NEDD4L: variants seen among roughly 807,000 people sequenced by gnomAD.
NEDD4L encodes the protein E3 ubiquitin-protein ligase NEDD4-like.
In NEDD4L, 54 loss-of-function variants were observed where a neutral mutation model predicts 148.9. The ratio of observed to expected loss-of-function variants is 0.36; its 90% CI spans 0.29 to 0.45. The LOEUF is 0.45. NEDD4L is among the 20% of genes least tolerant of loss of function. The pLI, the probability that NEDD4L is intolerant of heterozygous loss-of-function variation, is 1.00. For missense variants in NEDD4L, 856 were observed against 1,233.8 expected (o/e 0.69, Z 4.59); for synonymous variants, 433 against 440.7 (o/e 0.98, Z 0.22).
intron 5 of NEDD4L, among the ~76,000 whole-genome samples, chr18:58,306,286 G>C (rs140571526): frequency 2.6e-5 from 4 of 152,100 alleles, no homozygotes; most frequent in African/African-American, 9.6e-5. Context: ...TATCAGGGGT[G>C]GGGGAGATGA....
intron 2 of NEDD4L, among the ~76,000 whole-genome samples, chr18:58,229,851 G>A (rs924720277): frequency 2.6e-5 from 4 of 152,058 alleles, no homozygotes; most frequent in Non-Finnish European, 5.9e-5. Context: ...TTAGCTGGGC[G>A]TGGTGGCGGG....
intron 24 of NEDD4L, among the ~76,000 whole-genome samples, chr18:58,380,296 T>TTTTATTTATTTATTTATTTA (rs550029276): frequency 3.2e-4 from 46 of 141,814 alleles, no homozygotes; most frequent in African/African-American, 1.2e-3. Flanking sequence ...TTCTTTTTTA[T>TTTTATTTATTTATTTATTTA]TTTATTTATT....
chr18:58,061,598 A>G (rs781636535), intron 1 of NEDD4L, among the ~76,000 whole-genome samples: 16 of 152,136 alleles, frequency 1.1e-4, no homozygotes, highest in Non-Finnish European at 1.9e-4. Flanking sequence ...AAGGACTTGC[A>G]GCAGGTAGTT....
At chr18:58,075,326 CT>C (rs2083102462) in intron 1 of NEDD4L, among the ~76,000 whole-genome samples, 2 of 152,050 alleles carry the variant, frequency 1.3e-5, no homozygotes, top group South Asian at 4.2e-4. Context: ...ACTTTTTCTA[CT>C]TTTTTAGTAA....
intron 1 of NEDD4L, among the ~76,000 whole-genome samples, chr18:58,147,826 T>C (rs1196743795): frequency 6.6e-6 from 1 of 152,190 alleles, no homozygotes; most frequent in Non-Finnish European, 1.5e-5. Context: ...GACCTCTCTT[T>C]ACTATGCCTT....
intron 2 of NEDD4L, among the ~76,000 whole-genome samples, chr18:58,167,058 T>C (rs151117023): frequency 4.0e-4 from 61 of 152,338 alleles, no homozygotes; most frequent in African/African-American, 1.4e-3. Context: ...AAAAAATTGT[T>C]GCAAATGTCA....
At chr18:58,163,234 T>C (rs2036449224) in intron 1 of NEDD4L, among the ~76,000 whole-genome samples, 2 of 152,120 alleles carry the variant, frequency 1.3e-5, no homozygotes, top group Admixed American at 1.3e-4. Context: ...GTACTTCAGG[T>C]TTTGAAGCAT....
chr18:58,205,877 T>C (rs1022738118), intron 2 of NEDD4L, among the ~76,000 whole-genome samples: 5 of 152,044 alleles, frequency 3.3e-5, no homozygotes, highest in African/African-American at 1.2e-4. Flanking sequence ...TATGTTCTGA[T>C]GTTTGTTTTC....
chr18:58,212,413 C>T (rs1310705389), intron 2 of NEDD4L, among the ~76,000 whole-genome samples: 2 of 152,196 alleles, frequency 1.3e-5, no homozygotes, highest in African/African-American at 4.8e-5. Flanking sequence ...AGCAAAGTCC[C>T]ATCTTACATG....
At chr18:58,389,358 G>C (rs769807317) in intron 28 of NEDD4L, 166 bp downstream of exon 28, 1 of 555,514 alleles carries the variant, frequency 1.8e-6, no homozygotes, top group Non-Finnish European at 3.2e-6. Context: ...CAGCAGCCCC[G>C]TGGTGGCTCC....
chr18:58,381,185 G>A (rs1037482795), intron 24 of NEDD4L, among the ~76,000 whole-genome samples: 2 of 152,166 alleles, frequency 1.3e-5, no homozygotes, highest in African/African-American at 4.8e-5. Flanking sequence ...TTTTAAAATT[G>A]TGATGCCTAT....
At position 58,262,202 on chromosome 18, in the gene NEDD4L, A is replaced by G. The variant is rs367773672; in HGVS notation, c.297+10148A>G. ...GACGGAATGTGTTAAATATTAGCAAAAGCAGGTATTGCAGAATGTCTATAC... is the reference window on the plus strand; with the variant it reads ...GACGGAATGTGTTAAATATTAGCAAGAGCAGGTATTGCAGAATGTCTATAC... On this transcript the variant is annotated intron_variant, in intron 5 of 30. Coordinates refer to ENST00000400345, the MANE Select transcript of NEDD4L (RefSeq NM_001144967.3). 6.6e-5 allele frequency among the ~76,000 whole-genome samples: 10 copies of G among 152,356 alleles called. No homozygotes were observed. In the South Asian group the frequency reaches 1.0e-3, roughly 16 times the overall value.
intron 2 of NEDD4L, among the ~76,000 whole-genome samples, chr18:58,238,788 G>GA (rs1245279522): frequency 2.0e-5 from 3 of 152,144 alleles, no homozygotes; most frequent in African/African-American, 7.2e-5. Flanking sequence ...TTGTTTCCCA[G>GA]AAAAGATATA....
intron 5 of NEDD4L, among the ~76,000 whole-genome samples, chr18:58,261,616 A>G (rs73961544): frequency 0.023 from 3,499 of 152,330 alleles, 134 homozygotes; most frequent in African/African-American, 0.08. Context: ...TCTTTTCATA[A>G]AAGTTCACAG....
chr18:58,185,342 G>A (rs62094495), intron 2 of NEDD4L, among the ~76,000 whole-genome samples: 56,517 of 152,004 alleles, frequency 0.37, 12,332 homozygotes, highest in African/African-American at 0.61. Flanking sequence ...AAAACTCCCG[G>A]TGTCCACACG....
intron 2 of NEDD4L, among the ~76,000 whole-genome samples, chr18:58,184,655 G>A (rs373196323): frequency 2.9e-4 from 44 of 152,112 alleles, no homozygotes; most frequent in Admixed American, 6.5e-4. Flanking sequence ...CTGTCTGGGC[G>A]TGGTGGCTCA....
At chr18:58,131,621 G>A (rs1343291747) in intron 1 of NEDD4L, among the ~76,000 whole-genome samples, 1 of 151,124 alleles carries the variant, frequency 6.6e-6, no homozygotes, top group African/African-American at 2.4e-5. Flanking sequence ...GCCTTTGTTG[G>A]AATTTGGTTG....
chr18:58,357,606 T>G (rs2044859701), intron 19 of NEDD4L: 1 of 434,920 alleles, frequency 2.3e-6, no homozygotes, highest in South Asian at 1.9e-5. Flanking sequence ...TATCATTTCT[T>G]TAGGCCAGGA....
rs2045860681 is a variant in NEDD4L at position 58,364,324 on chromosome 18, A to G, written c.1824A>G (p.Leu608=). 6.4e-7 allele frequency: 1 copy of G among 1,556,854 alleles called. No homozygotes were observed. Among genetic ancestry groups the G allele is most frequent in the Non-Finnish European group, 8.7e-7 (1 of 1,147,724 alleles). Residue 608 remains leucine (L), a synonymous_variant, in exon 20 of 31, where the codon TTA becomes TTG. Transcript: ENST00000400345. ...AATATGACTACTTCAGGAAGAAATT[A>G]AAGAAACCTGTGAGTAATCATGCCT... ...KQKYDYFRKK[L]KKPADIPNRF... is the part of the protein sequence containing the mutation.
Sources: allele counts gnomAD v4.1 joint callset (sites outside exome capture counted in the v4.1 genomes callset), GRCh38; gene constraint gnomAD v4.1.1; transcripts MANE v1.5; gene names NCBI Gene and HGNC (gene_info 2026-07-23, HGNC 2026-07-21).